Variants in ACSBG1 observed in about 807,000 individuals in gnomAD.
ACSBG1 encodes acyl-CoA synthetase bubblegum family member 1.
In ACSBG1, 39 loss-of-function variants were observed where a neutral mutation model predicts 80.2. That is an observed-to-expected ratio of 0.49 (90% CI 0.38 to 0.64). The LOEUF (loss-of-function observed/expected upper bound fraction) is 0.64, where lower values mean the gene tolerates loss of function less well. Among genes scored for constraint, ACSBG1 ranks in the 30% least tolerant of loss-of-function variants. The pLI is 0.00. For synonymous variants in ACSBG1, 392 were observed against 379.5 expected (o/e 1.03, Z -0.38); for missense variants, 828 against 966.4 (o/e 0.86, Z 1.90).
chr15:78,206,156 C>A (rs2075212501), intron 2 of ACSBG1, among the ~76,000 whole-genome samples: 3 of 152,202 alleles, frequency 2.0e-5, no homozygotes, highest in Admixed American at 6.5e-5. Context: ...GTGGCCTCCG[C>A]TCTGGGCGCC....
chr15:78,187,228 C>T (rs1470723524), intron 5 of ACSBG1, among the ~76,000 whole-genome samples: 23 of 152,286 alleles, frequency 1.5e-4, no homozygotes, highest in African/African-American at 4.8e-4. Context: ...GATTCACAGC[C>T]GAATTCTATC....
intron 1 of ACSBG1, 86 bp downstream of exon 1, chr15:78,234,285 A>G (rs1390548805): frequency 1.3e-6 from 2 of 1,525,342 alleles, no homozygotes; most frequent in African/African-American, 2.7e-5. Flanking sequence ...CAGAGAGAGA[A>G]GCAGCTTGCC....
In ACSBG1 at chr15:78,206,137, G is replaced by A. The variant is rs572940666; in HGVS notation, c.232+1865C>T. Among the ~76,000 whole-genome samples, 10 of 152,316 alleles carry A rather than the reference G, an allele frequency of 6.6e-5. No individual in the cohort carries two copies. The South Asian group carries it at 2.1e-3, about 32-fold the overall frequency. On this transcript the variant is annotated intron_variant, in intron 2 of 13. Coordinates refer to ENST00000258873, the MANE Select transcript of ACSBG1 (RefSeq NM_015162.5). ...TAGCACTGCCCTGGGAAGCACCTGG[G>A]GTCCCTCGGTGGCCTCCGCTCTGGG...
Position 78,168,884 on chromosome 15 carries a change from C to T in ACSBG1, c.*2560G>A, listed in dbSNP as rs748334905. On this transcript the variant is annotated 3_prime_UTR_variant, in exon 14 of 14. Transcript: ENST00000258873. ...AATCTCCTTGGTTTAGTTTAGTTTG[C>T]GGATACATCTTTTATTTTTGCTTTT... 50 of 1,354,212 alleles carry T rather than the reference C, an allele frequency of 3.7e-5. No homozygotes were observed. Among genetic ancestry groups the T allele is most frequent in the Admixed American group, 5.2e-5 (3 of 57,432 alleles). The allele number at this position is 1,354,212 out of a possible 1,614,324, so 83.9% of individuals were successfully genotyped here.
chr15:78,202,280 G>A (rs950074928), intron 2 of ACSBG1, among the ~76,000 whole-genome samples: 8 of 151,960 alleles, frequency 5.3e-5, no homozygotes, highest in African/African-American at 1.7e-4. Context: ...GCACTATCTC[G>A]GCTCACTGCA....
chr15:78,204,608 C>A (rs563938656), intron 2 of ACSBG1, among the ~76,000 whole-genome samples: 2 of 152,202 alleles, frequency 1.3e-5, no homozygotes, highest in Non-Finnish European at 1.5e-5. Flanking sequence ...CTGGCAGGGC[C>A]GGGATTACCT....
Position 78,208,224 on chromosome 15 carries a change from C to T in ACSBG1, c.132-122G>A, listed in dbSNP as rs1021834086. The T allele has an allele frequency of 2.4e-5, 17 of 718,552 alleles. 1 individual carries two copies. The highest frequency in any genetic ancestry group is 4.1e-5 in the Non-Finnish European group (17 of 410,228). The allele number at this position is 718,552 out of a possible 1,614,324, so 44.5% of individuals were successfully genotyped here. A position where few individuals can be genotyped will look rare whatever the true frequency, so the allele number is the denominator to read the frequency against. On this transcript the variant is annotated intron_variant, in intron 1 of 13. Coordinates refer to ENST00000258873, the MANE Select transcript of ACSBG1 (RefSeq NM_015162.5). ...AGGGGGACACTGGCACCTCTGTCTC[C>T]TGCAAATGCTGGGGCCATCCACAGA...
chr15:78,201,987 T>C (rs964216733), intron 2 of ACSBG1, among the ~76,000 whole-genome samples: 2 of 152,070 alleles, frequency 1.3e-5, no homozygotes, highest in African/African-American at 2.4e-5. Context: ...CCTGCAGAGT[T>C]TGGAAGCCAC....
chr15:78,179,859 GGT>G (rs2074924349), intron 9 of ACSBG1, 79 bp from the exon 10 acceptor site: 1 of 1,126,140 alleles, frequency 8.9e-7, no homozygotes, highest in Non-Finnish European at 1.3e-6. Context: ...ACATTAAAAG[GGT>G]GGTATGGTGG....
At chr15:78,182,393 G>A (rs905292347) in intron 7 of ACSBG1, 73 bp downstream of exon 7, 1 of 1,572,174 alleles carries the variant, frequency 6.4e-7, no homozygotes, top group Non-Finnish European at 8.6e-7. Flanking sequence ...AGGGGCTACT[G>A]GGGCAGAGCC....
chr15:78,179,877 A>C (rs1202883919), intron 9 of ACSBG1, 97 bp from the exon 10 acceptor site: 24 of 1,052,080 alleles, frequency 2.3e-5, no homozygotes, highest in Non-Finnish European at 2.5e-5. Context: ...GGTGGTATTC[A>C]GTGAGAACAC....
intron 2 of ACSBG1, among the ~76,000 whole-genome samples, chr15:78,202,719 T>C (rs2075180021): frequency 6.6e-6 from 1 of 152,214 alleles, no homozygotes; most frequent in Admixed American, 6.5e-5. Flanking sequence ...CATGAACTGG[T>C]ACAGCTTTGT....
chr15:78,212,453 C>T (rs2075274538), intron 1 of ACSBG1: 2 of 427,864 alleles, frequency 4.7e-6, no homozygotes, highest in African/African-American at 2.0e-5. Flanking sequence ...AAACCCTAAA[C>T]CCAAGTCTGG....
At chr15:78,215,742 GAAAGA>G (rs1567096284) in intron 1 of ACSBG1, among the ~76,000 whole-genome samples, 14 of 141,494 alleles carry the variant, frequency 9.9e-5, no homozygotes, top group South Asian at 4.6e-4. Flanking sequence ...AAGAAAGAAA[GAAAGA>G]AAGAAAGAAA....
chr15:78,210,587 G>A (rs1221662000), intron 1 of ACSBG1, among the ~76,000 whole-genome samples: 2 of 152,100 alleles, frequency 1.3e-5, no homozygotes, highest in Non-Finnish European at 2.9e-5. Flanking sequence ...CGTAATGGTC[G>A]TCTTTCAGTT....
intron 1 of ACSBG1, among the ~76,000 whole-genome samples, chr15:78,209,493 G>C (rs1481828487): frequency 2.0e-5 from 3 of 152,226 alleles, no homozygotes; most frequent in African/African-American, 7.2e-5. Context: ...GCAGACAGAG[G>C]CGTGTGAATG....
intron 2 of ACSBG1, among the ~76,000 whole-genome samples, chr15:78,201,216 G>A (rs560263967): frequency 2.6e-5 from 4 of 152,116 alleles, no homozygotes; most frequent in African/African-American, 4.8e-5. Context: ...GCAGCAACCC[G>A]GCCTCCAGCA....
intron 2 of ACSBG1, 51 bp from the exon 3 acceptor site, chr15:78,194,777 T>C: frequency 6.4e-7 from 1 of 1,572,750 alleles, no homozygotes; most frequent in Non-Finnish European, 8.7e-7. Flanking sequence ...TGGGGACACT[T>C]GTCCTGCCCT....
chr15:78,174,954 A>G (rs2074868105), intron 11 of ACSBG1: 1 of 180,930 alleles, frequency 5.5e-6, no homozygotes, highest in Non-Finnish European at 1.2e-5. Context: ...TAAACCAATA[A>G]TGAAGCAGAC....
Sources: allele counts gnomAD v4.1 joint callset (sites outside exome capture counted in the v4.1 genomes callset), GRCh38; gene constraint gnomAD v4.1.1; transcripts MANE v1.5; gene names NCBI Gene and HGNC (gene_info 2026-07-23, HGNC 2026-07-21).